Variants in PLD1 observed in about 807,000 individuals in gnomAD.
The protein encoded by PLD1 is phospholipase D1, also known as choline phosphatase 1.
A neutral mutation model predicts 137.1 loss-of-function variants in PLD1; 112 were observed. The ratio of observed to expected loss-of-function variants is 0.82; its 90% CI spans 0.70 to 0.96. The LOEUF (loss-of-function observed/expected upper bound fraction) is 0.96. PLD1 is among the 40% of genes least tolerant of loss of function. The pLI, the probability that PLD1 is intolerant of heterozygous loss-of-function variation, is 0.00. For missense variants in PLD1, 1,321 were observed against 1,342.0 expected (o/e 0.98, Z 0.24); for synonymous variants, 431 against 454.7 (o/e 0.95, Z 0.66).
At chr3:171,748,639 CAATTTTTTGGCCATCTATGT>C (rs1720436349) in intron 1 of PLD1, among the ~76,000 whole-genome samples, 1 of 151,940 alleles carries the variant, frequency 6.6e-6, no homozygotes, top group African/African-American at 2.4e-5. Context: ...AGCACAATTT[CAATTTTTTGGCCATCTATGT>C]AATTACTAAA....
chr3:171,605,473 A>C, intron 25 of PLD1, 57 bp from the exon 26 acceptor site: 1 of 924,624 alleles, frequency 1.1e-6, no homozygotes, highest in South Asian at 1.3e-5. Context: ...TTGTTGCAGG[A>C]TATATGTCTA....
chr3:171,746,234 A>G (rs1306549868), intron 1 of PLD1, among the ~76,000 whole-genome samples: 1 of 152,146 alleles, frequency 6.6e-6, no homozygotes, highest in East Asian at 1.9e-4. Context: ...ACCTGGTACC[A>G]TTGACTGCCC....
At chr3:171,768,481 T>C (rs1178948732) in intron 1 of PLD1, among the ~76,000 whole-genome samples, 1 of 152,200 alleles carries the variant, frequency 6.6e-6, no homozygotes, top group East Asian at 1.9e-4. Context: ...AGATCAAGAC[T>C]ATGTGTGATC....
At chr3:171,783,018 T>C (rs1030769105) in intron 1 of PLD1, among the ~76,000 whole-genome samples, 1 of 152,060 alleles carries the variant, frequency 6.6e-6, no homozygotes, top group African/African-American at 2.4e-5. Flanking sequence ...AGATGATGGA[T>C]GGATGCAAGA....
At chr3:171,693,895 C>A (rs567950486) in intron 12 of PLD1, among the ~76,000 whole-genome samples, 5 of 152,110 alleles carry the variant, frequency 3.3e-5, no homozygotes, top group Non-Finnish European at 7.4e-5. Context: ...GTTGAACACA[C>A]CTACTTTACA....
intron 1 of PLD1, among the ~76,000 whole-genome samples, chr3:171,743,033 A>G (rs1453711506): frequency 2.0e-5 from 3 of 152,178 alleles, no homozygotes; most frequent in Admixed American, 6.5e-5. Context: ...GGTATAAGGG[A>G]AAGATCAAAT....
intron 1 of PLD1, among the ~76,000 whole-genome samples, chr3:171,742,036 T>C (rs1719817870): frequency 6.9e-6 from 1 of 145,746 alleles, no homozygotes; most frequent in Non-Finnish European, 1.6e-5. Flanking sequence ...CTGGGTCCCA[T>C]TGTTACTAGC....
At chr3:171,745,910 C>T (rs1720122419) in intron 1 of PLD1, among the ~76,000 whole-genome samples, 1 of 152,040 alleles carries the variant, frequency 6.6e-6, no homozygotes, top group African/African-American at 2.4e-5. Context: ...CAGTGGGAAC[C>T]AGGCTGCCTG....
At chr3:171,671,876 T>C (rs560345941) in intron 19 of PLD1, among the ~76,000 whole-genome samples, 2 of 151,728 alleles carry the variant, frequency 1.3e-5, no homozygotes, top group South Asian at 4.2e-4. Flanking sequence ...CATTGAACAT[T>C]CCTGCATCAT....
At chr3:171,802,710 C>T (rs1221391849) in intron 1 of PLD1, among the ~76,000 whole-genome samples, 1 of 152,252 alleles carries the variant, frequency 6.6e-6, no homozygotes, top group Non-Finnish European at 1.5e-5. Flanking sequence ...AACACGCTAG[C>T]TGCCTTCCTA....
intron 23 of PLD1, among the ~76,000 whole-genome samples, chr3:171,628,416 G>A (rs545700193): frequency 9.9e-5 from 15 of 152,192 alleles, no homozygotes; most frequent in African/African-American, 2.4e-4. Context: ...ATTCACAGCC[G>A]AATACTACCA....
At chr3:171,648,842 C>T (rs1736491830) in intron 21 of PLD1, among the ~76,000 whole-genome samples, 1 of 152,230 alleles carries the variant, frequency 6.6e-6, no homozygotes, top group African/African-American at 2.4e-5. Context: ...GCGTGAGCCA[C>T]CGCACCTGGC....
intron 23 of PLD1, among the ~76,000 whole-genome samples, chr3:171,624,673 C>T (rs529421027): frequency 5.9e-5 from 9 of 152,110 alleles, no homozygotes; most frequent in South Asian, 2.1e-4. Context: ...ATTGAATAAA[C>T]GCAAATCCAC....
At chr3:171,740,442 A>G (rs1264598117) in intron 1 of PLD1, among the ~76,000 whole-genome samples, 1 of 152,240 alleles carries the variant, frequency 6.6e-6, no homozygotes, top group Admixed American at 6.5e-5. Context: ...AAGAAATTAC[A>G]TCATATCATT....
intron 1 of PLD1, among the ~76,000 whole-genome samples, chr3:171,794,501 T>C (rs1322023808): frequency 6.6e-6 from 1 of 152,174 alleles, no homozygotes; most frequent in African/African-American, 2.4e-5. Context: ...CACCATAACT[T>C]GATACTGGCC....
chr3:171,623,940 C>A (rs1733861025), intron 23 of PLD1, among the ~76,000 whole-genome samples: 1 of 139,474 alleles, frequency 7.2e-6, no homozygotes, highest in Non-Finnish European at 1.5e-5. Context: ...TAGAAGAAAG[C>A]AAGGGTGAAT....
At chr3:171,695,350 C>T (rs1715587126) in intron 12 of PLD1, among the ~76,000 whole-genome samples, 3 of 152,138 alleles carry the variant, frequency 2.0e-5, no homozygotes, top group African/African-American at 4.8e-5. Flanking sequence ...AAGAAAGGGA[C>T]GGAAATTATT....
rs752748790 is a variant in PLD1 at position 171,644,954 on chromosome 3, G to A, written c.2499C>T (p.Thr833=). 13 of 1,613,664 alleles carry A rather than the reference G, an allele frequency of 8.1e-6. No individual in the cohort carries two copies. The highest frequency in any genetic ancestry group is 3.3e-5 in the Admixed American group (2 of 59,978). ...TTGCCTGTAGAGCATTTCCTCCGCC[G>A]GTTGAAATGTCTCCTTCGAACCCTG... ...LLPGFEGDIS[T]GGGNALQAIM... The change falls in exon 22 of 27, where the codon ACC becomes ACT. Residue 833 remains threonine, a synonymous_variant. Coordinates refer to ENST00000351298, the MANE Select transcript of PLD1 (RefSeq NM_002662.5).
In PLD1 at chr3:171,734,603, A is replaced by C. The variant is rs375397591; in HGVS notation, c.540+262T>G. 8.5e-5 allele frequency among the ~76,000 whole-genome samples: 13 copies of C among 152,318 alleles called. No homozygotes were observed. In the East Asian group the frequency reaches 1.7e-3, roughly 20 times the overall value. ...TCAATCTTTGACTCACAATAAGCCC[A>C]AGGAGATTCTAGCAGGGAGAACAGC... On this transcript the variant is annotated intron_variant, in intron 5 of 26. Coordinates refer to ENST00000351298, the MANE Select transcript of PLD1 (RefSeq NM_002662.5).
Sources: gnomAD v4.1 joint callset for allele counts (sites outside exome capture counted in the v4.1 genomes callset) on GRCh38, gnomAD v4.1.1 for gene constraint, MANE v1.5 for transcripts, NCBI Gene and HGNC (gene_info 2026-07-23, HGNC 2026-07-21) for gene names.